YPEL5: variants seen among roughly 807,000 people sequenced by gnomAD.
YPEL5 encodes the protein yippee like 5.
A neutral mutation model predicts 10.5 loss-of-function variants in YPEL5; 1 was observed. The observed-to-expected ratio is 0.10, with a 90% CI of 0.03 to 0.45. YPEL5 has a LOEUF of 0.45. Among genes scored for constraint, YPEL5 ranks in the 20% least tolerant of loss-of-function variants. The pLI is 0.97. For missense variants in YPEL5, 68 were observed against 159.3 expected (o/e 0.43, Z 3.09); for synonymous variants, 61 against 56.6 (o/e 1.08, Z -0.35).
intron 1 of YPEL5, among the ~76,000 whole-genome samples, chr2:30,154,062 A>G (rs368084390): frequency 2.4e-4 from 36 of 152,260 alleles, no homozygotes; most frequent in Non-Finnish European, 2.9e-4. Context: ...ACAGGTAGTT[A>G]CTCTCCCATT....
chr2:30,148,811 G>C (rs1357233937), intron 1 of YPEL5, among the ~76,000 whole-genome samples: 2 of 152,194 alleles, frequency 1.3e-5, no homozygotes, highest in African/African-American at 2.4e-5. Context: ...ATGAAAAGAA[G>C]TAATTAAAGC....
intron 1 of YPEL5, among the ~76,000 whole-genome samples, chr2:30,153,953 C>T (rs756752147): frequency 1.3e-5 from 2 of 152,024 alleles, no homozygotes; most frequent in Non-Finnish European, 2.9e-5. Context: ...AGTTTTTAGC[C>T]AAGGATAAAA....
At chr2:30,155,127 T>G (rs1408482676) in intron 1 of YPEL5, among the ~76,000 whole-genome samples, 2 of 152,182 alleles carry the variant, frequency 1.3e-5, no homozygotes, top group Admixed American at 6.5e-5. Flanking sequence ...TTTGTTGTTT[T>G]ATAGAAATGT....
At chr2:30,148,129 G>A (rs901488783) in intron 1 of YPEL5, 1 of 152,310 alleles carries the variant, frequency 6.6e-6, no homozygotes, top group African/African-American at 2.4e-5. Context: ...CAGCGGGAGT[G>A]GGAAATTGAA....
At position 30,158,732 on chromosome 2, in the gene YPEL5, G is replaced by A. The variant is rs1676150980; in HGVS notation, c.255G>A (p.Glu85=). ...NCNSKLGWIY[E]FATEDSQRYK... The stretch of plus-strand genomic sequence containing the variant: ...ATAGCAAACTGGGATGGATCTATGA[G>A]TTTGCCACTGAAGACAGCCAGCGAT... Residue 85 remains glutamate (E), a synonymous_variant, in exon 3 of 3, where the codon GAG becomes GAA. Coordinates refer to ENST00000261353, the MANE Select transcript of YPEL5 (RefSeq NM_016061.3). The A allele has an allele frequency of 3.1e-6, 5 of 1,614,106 alleles. No individual in the cohort carries two copies. The highest frequency in any genetic ancestry group is 4.2e-6 in the Non-Finnish European group (5 of 1,180,050).
At chr2:30,151,487 A>G (rs966036306) in intron 1 of YPEL5, among the ~76,000 whole-genome samples, 5 of 152,224 alleles carry the variant, frequency 3.3e-5, no homozygotes, top group Non-Finnish European at 7.3e-5. Flanking sequence ...AATTATCTAT[A>G]AATTTCACTT....
At chr2:30,149,965 C>T (rs1450492498) in intron 1 of YPEL5, among the ~76,000 whole-genome samples, 1 of 152,338 alleles carries the variant, frequency 6.6e-6, no homozygotes, top group Non-Finnish European at 1.5e-5. Context: ...TAGATACCTA[C>T]CCTCCCTGGT....
chr2:30,155,113 T>A (rs59505569), intron 1 of YPEL5, among the ~76,000 whole-genome samples: 49 of 152,284 alleles, frequency 3.2e-4, no homozygotes, highest in African/African-American at 1.2e-3. Context: ...AATAAGTGTT[T>A]CCTTTTGTTG....
chr2:30,148,021 G>C (rs1675577956), intron 1 of YPEL5: 2 of 152,140 alleles, frequency 1.3e-5, no homozygotes. Flanking sequence ...TTCGGGCTGC[G>C]GCCTTCCCTC....
chr2:30,150,600 C>T (rs1014738195), intron 1 of YPEL5, among the ~76,000 whole-genome samples: 1 of 152,004 alleles, frequency 6.6e-6, no homozygotes, highest in Non-Finnish European at 1.5e-5. Flanking sequence ...GAACTGGTTA[C>T]GGAAAGTTAA....
intron 1 of YPEL5, among the ~76,000 whole-genome samples, chr2:30,153,572 G>C (rs1675909465): frequency 6.6e-6 from 1 of 152,200 alleles, no homozygotes; most frequent in Non-Finnish European, 1.5e-5. Flanking sequence ...GTGTTAGGTT[G>C]AGTTTCTAAC....
chr2:30,153,779 C>G (rs1211103290), intron 1 of YPEL5, among the ~76,000 whole-genome samples: 1 of 152,150 alleles, frequency 6.6e-6, no homozygotes, highest in Non-Finnish European at 1.5e-5. Flanking sequence ...GCAACCACAA[C>G]TAGGAATAGT....
chr2:30,152,446 G>A (rs976637899), intron 1 of YPEL5, among the ~76,000 whole-genome samples: 1 of 152,188 alleles, frequency 6.6e-6, no homozygotes, highest in South Asian at 2.1e-4. Flanking sequence ...AAGTGATTTA[G>A]GAAGTCTTGT....
At chr2:30,156,825 C>G (rs1676059185) in intron 2 of YPEL5, 33 bp downstream of exon 2, 1 of 1,612,002 alleles carries the variant, frequency 6.2e-7, no homozygotes, top group Admixed American at 1.7e-5. Flanking sequence ...CCTAAGTGGG[C>G]TTATTGGCTG....
At chr2:30,153,179 G>C (rs1675891454) in intron 1 of YPEL5, among the ~76,000 whole-genome samples, 1 of 152,210 alleles carries the variant, frequency 6.6e-6, no homozygotes, top group East Asian at 1.9e-4. Context: ...CGGGATTACA[G>C]GTGTGAGCCA....
intron 1 of YPEL5, among the ~76,000 whole-genome samples, chr2:30,151,373 C>T (rs1448923344): frequency 6.6e-6 from 1 of 151,558 alleles, no homozygotes; most frequent in Non-Finnish European, 1.5e-5. Flanking sequence ...TAATATTTCA[C>T]CAGAGTCTTC....
intron 1 of YPEL5, among the ~76,000 whole-genome samples, chr2:30,153,061 C>T (rs1337278428): frequency 1.4e-4 from 22 of 152,002 alleles, no homozygotes; most frequent in African/African-American, 4.1e-4. Flanking sequence ...CCACCATGCC[C>T]GGCTAATTTT....
Position 30,156,803 on chromosome 2 carries a change from A to T in YPEL5, c.141+11A>T, listed in dbSNP as rs951083467. On this transcript the variant is annotated intron_variant, in intron 2 of 2. Coordinates refer to ENST00000261353, the MANE Select transcript of YPEL5 (RefSeq NM_016061.3). The stretch of plus-strand genomic sequence containing the variant: ...TTTCTTTTTAACAAGGTTAGTGAGA[A>T]AAAGTTTGATTCCTAAGTGGGCTTA... The T allele has an allele frequency of 1.2e-6, 2 of 1,614,008 alleles. No homozygotes were observed. Among genetic ancestry groups the T allele is most frequent in the African/African-American group, 1.3e-5 (1 of 75,020 alleles).
chr2:30,158,880 T>C lies in YPEL5; in HGVS notation c.*37T>C. The C allele has an allele frequency of 6.2e-7, 1 of 1,604,156 alleles. No individual in the cohort carries two copies. The highest frequency in any genetic ancestry group is 8.5e-7 in the Non-Finnish European group (1 of 1,172,900). The stretch of plus-strand genomic sequence containing the variant: ...GAAATCCATCTTTTCCCAGGTCTCC[T>C]TCACTGAAAACAAAAATCTACTTAC... On this transcript the variant is annotated 3_prime_UTR_variant, in exon 3 of 3. Coordinates refer to ENST00000261353, the MANE Select transcript of YPEL5 (RefSeq NM_016061.3).
Sources: gnomAD v4.1 joint callset for allele counts (sites outside exome capture counted in the v4.1 genomes callset) on GRCh38, gnomAD v4.1.1 for gene constraint, MANE v1.5 for transcripts, NCBI Gene and HGNC (gene_info 2026-07-23, HGNC 2026-07-21) for gene names.